Variants in CCT6A observed in about 807,000 individuals in gnomAD.
CCT6A encodes chaperonin containing TCP1 subunit 6A.
CCT6A carries 6 observed loss-of-function variants against 58.6 expected under a neutral mutation model. The observed-to-expected ratio is 0.10, with a 90% CI of 0.06 to 0.20. The LOEUF is 0.20. CCT6A is among the 10% of genes least tolerant of loss of function. CCT6A has a pLI of 1.00. For synonymous variants in CCT6A, 245 were observed against 227.8 expected, an observed-to-expected ratio of 1.08 and a Z score of -0.68; for missense variants, 516 against 648.8, an observed-to-expected ratio of 0.80 and a Z score of 2.22.
chr7:56,052,129 C>G (rs551578250), intron 1 of CCT6A, 144 bp downstream of exon 1: 1 of 742,222 alleles, frequency 1.3e-6, no homozygotes, highest in African/African-American at 1.8e-5. Context: ...TCCTGTGTCC[C>G]TCCTAAGCCC....
Position 56,058,400 on chromosome 7 carries a change from A to G in CCT6A, c.764A>G (p.Glu255Gly), listed in dbSNP as rs1342089912. ...NSGFFYKSAE[E>G]REKLVKAERK... is the part of the protein sequence containing the mutation. ...GGCTTTTTTTACAAGAGTGCAGAAGAGAGAGAAAAACTCGTGAAAGCTGAA... is the reference window on the plus strand; with the variant it reads ...GGCTTTTTTTACAAGAGTGCAGAAGGGAGAGAAAAACTCGTGAAAGCTGAA... Residue 255 changes from glutamate to glycine, a missense_variant, in exon 7 of 14, where the codon GAG becomes GGG. By Grantham distance (98) the Glu-to-Gly change is moderately conservative. Around this residue, in one of 3 missense-constraint regions of CCT6A, gnomAD observed 315 missense variants for 389.4 expected, o/e 0.81. Transcript: ENST00000275603. 4 of 1,598,096 alleles carry G rather than the reference A, an allele frequency of 2.5e-6. No homozygotes were observed. Among genetic ancestry groups the G allele is most frequent in the Non-Finnish European group, 3.4e-6 (4 of 1,175,438 alleles).
chr7:56,058,555 G>A, intron 7 of CCT6A, 34 bp downstream of exon 7: 1 of 1,576,904 alleles, frequency 6.3e-7, no homozygotes, highest in Non-Finnish European at 8.7e-7. Context: ...AAACTAAATA[G>A]TACGTATCAT....
At position 56,054,370 on chromosome 7, in the gene CCT6A, A is replaced by G. The variant is rs752436753; in HGVS notation, c.203A>G (p.Gln68Arg). 1 of 1,602,430 alleles carries G rather than the reference A, an allele frequency of 6.2e-7. No individual in the cohort carries two copies. The highest frequency in any genetic ancestry group is 8.5e-7 in the Non-Finnish European group (1 of 1,171,858). ...GATTCATTCTTTTTCTACTTACAGC[A>G]AATTCAACACCCAACAGCTTCCTTA... Reference protein sequence around the residue: ...KDGNVLLHEMQIQHPTASLIA... With the variant: ...KDGNVLLHEMRIQHPTASLIA... The change falls in exon 3 of 14, where the codon CAA (glutamine) becomes CGA (arginine). Residue 68 changes from glutamine (Q) to arginine (R), a missense_variant and splice_region_variant. This residue lies in a region of CCT6A where 116 missense variants were observed against 184.5 expected (regional missense o/e 0.63). Transcript: ENST00000275603.
intron 12 of CCT6A, 53 bp from the exon 13 acceptor site, chr7:56,062,630 A>G (rs1794483033): frequency 2.1e-6 from 3 of 1,397,278 alleles, no homozygotes; most frequent in Admixed American, 1.7e-5. Flanking sequence ...GCTGCACACA[A>G]TATTGTTGGT....
intron 2 of CCT6A, 100 bp downstream of exon 2, chr7:56,052,585 A>T: frequency 9.8e-7 from 1 of 1,016,088 alleles, no homozygotes; most frequent in Non-Finnish European, 1.6e-6. Flanking sequence ...GTAGGAGAAC[A>T]TTCAGAAGTG....
Sources: allele counts gnomAD v4.1 joint callset, GRCh38; gene constraint gnomAD v4.1.1; regional missense constraint gnomAD v4.1.1; transcripts MANE v1.5; gene names NCBI Gene and HGNC (gene_info 2026-07-23, HGNC 2026-07-21).